Variants in SLC35F3 observed in about 807,000 individuals in gnomAD.
SLC35F3 encodes solute carrier family 35 member F3.
SLC35F3 carries 25 observed loss-of-function variants against 49.9 expected under a neutral mutation model. The observed-to-expected ratio is 0.50, with a 90% CI of 0.37 to 0.70. The LOEUF is 0.70. SLC35F3 is among the 30% of genes least tolerant of loss of function. The pLI is 0.00. For synonymous variants in SLC35F3, 275 were observed against 265.4 expected (o/e 1.04, Z -0.35); for missense variants, 525 against 639.8 (o/e 0.82, Z 1.94).
At chr1:234,058,234 C>T (rs1159440207) in intron 2 of SLC35F3, among the ~76,000 whole-genome samples, 1 of 148,448 alleles carries the variant, frequency 6.7e-6, no homozygotes, top group African/African-American at 2.5e-5. Context: ...ATTCACAATA[C>T]CAATTTATGA....
chr1:233,993,086 GA>G (rs993898719), intron 2 of SLC35F3, among the ~76,000 whole-genome samples: 5 of 151,298 alleles, frequency 3.3e-5, no homozygotes, highest in East Asian at 3.9e-4. Context: ...TTCCATGGAA[GA>G]AAAAAAAATC....
chr1:234,287,689 A>C (rs1405986091), intron 3 of SLC35F3, among the ~76,000 whole-genome samples: 1 of 152,222 alleles, frequency 6.6e-6, no homozygotes, highest in Non-Finnish European at 1.5e-5. Context: ...TATCCTACCC[A>C]GGATTTAAAC....
intron 2 of SLC35F3, among the ~76,000 whole-genome samples, chr1:234,097,589 A>G (rs925482053): frequency 3.9e-5 from 6 of 152,290 alleles, no homozygotes; most frequent in Admixed American, 3.9e-4. Context: ...TTCTCACTGC[A>G]TACTGCCTAA....
intron 2 of SLC35F3, among the ~76,000 whole-genome samples, chr1:234,165,649 G>A (rs955420184): frequency 1.3e-5 from 2 of 152,006 alleles, no homozygotes; most frequent in Admixed American, 1.3e-4. Context: ...GCCTCCCTAT[G>A]TACTGGGATT....
intron 2 of SLC35F3, among the ~76,000 whole-genome samples, chr1:234,013,813 G>T (rs1183606609): frequency 2.7e-5 from 4 of 150,192 alleles, no homozygotes; most frequent in Non-Finnish European, 5.9e-5. Context: ...GACCAGTAAC[G>T]AGTAAAGAGA....
chr1:233,984,910 ATCT>A (rs1040352876), intron 2 of SLC35F3, among the ~76,000 whole-genome samples: 2 of 152,182 alleles, frequency 1.3e-5, no homozygotes, highest in African/African-American at 2.4e-5. Context: ...AGCTGCTATC[ATCT>A]TCTTGTTCAT....
intron 2 of SLC35F3, among the ~76,000 whole-genome samples, chr1:233,980,248 C>A (rs1463353910): frequency 6.6e-6 from 1 of 152,204 alleles, no homozygotes; most frequent in Non-Finnish European, 1.5e-5. Context: ...CTACTATATA[C>A]CAGACCCTGT....
chr1:233,999,911 G>A (rs1663524613), intron 2 of SLC35F3, among the ~76,000 whole-genome samples: 1 of 152,070 alleles, frequency 6.6e-6, no homozygotes, highest in Non-Finnish European at 1.5e-5. Flanking sequence ...ATAAATAAAT[G>A]AAAACATTTC....
At chr1:233,982,930 G>A (rs570419009) in intron 2 of SLC35F3, among the ~76,000 whole-genome samples, 1 of 152,288 alleles carries the variant, frequency 6.6e-6, no homozygotes, top group South Asian at 2.1e-4. Context: ...GCCTAACCAG[G>A]GGAGTTGGGA....
chr1:234,211,957 T>C (rs55634347), intron 2 of SLC35F3, among the ~76,000 whole-genome samples: 7,657 of 152,284 alleles, frequency 0.05, 220 homozygotes, highest in Middle Eastern at 0.071. Context: ...TGGGAGGTAA[T>C]TGAATCATGG....
At chr1:234,241,464 C>T (rs763133624) in intron 3 of SLC35F3, among the ~76,000 whole-genome samples, 1 of 152,086 alleles carries the variant, frequency 6.6e-6, no homozygotes, top group Non-Finnish European at 1.5e-5. Context: ...AGGACAGCCG[C>T]GGTGGCTCAC....
At chr1:233,999,626 C>T (rs1190315792) in intron 2 of SLC35F3, among the ~76,000 whole-genome samples, 2 of 152,074 alleles carry the variant, frequency 1.3e-5, no homozygotes, top group East Asian at 1.9e-4. Flanking sequence ...TTATCCCTTC[C>T]GGCCCTGCTC....
At chr1:234,085,571 G>A (rs1664948910) in intron 2 of SLC35F3, among the ~76,000 whole-genome samples, 1 of 152,092 alleles carries the variant, frequency 6.6e-6, no homozygotes, top group Non-Finnish European at 1.5e-5. Flanking sequence ...ATTTGTATTG[G>A]GCTACCTTGT....
At chr1:234,134,936 G>C (rs994263502) in intron 2 of SLC35F3, among the ~76,000 whole-genome samples, 1 of 152,018 alleles carries the variant, frequency 6.6e-6, no homozygotes, top group Non-Finnish European at 1.5e-5. Context: ...GGCCAGGCTG[G>C]TCTTGAACTC....
At chr1:234,170,487 T>C (rs1190830589) in intron 2 of SLC35F3, among the ~76,000 whole-genome samples, 3 of 151,792 alleles carry the variant, frequency 2.0e-5, no homozygotes. Flanking sequence ...GGTGGTCAGG[T>C]CACCTGCTGG....
intron 2 of SLC35F3, among the ~76,000 whole-genome samples, chr1:234,138,528 T>C (rs6667769): frequency 0.33 from 49,448 of 152,042 alleles, 11,860 homozygotes; most frequent in East Asian, 0.74. Flanking sequence ...AGGGAGAGTT[T>C]ATACCAAAAC....
chr1:234,146,908 A>C (rs1402611259), intron 2 of SLC35F3, among the ~76,000 whole-genome samples: 1 of 152,136 alleles, frequency 6.6e-6, no homozygotes, highest in African/African-American at 2.4e-5. Flanking sequence ...TCTTAGTGTG[A>C]AAAAACTGAG....
intron 2 of SLC35F3, among the ~76,000 whole-genome samples, chr1:234,143,529 T>G (rs1175681193): frequency 6.6e-6 from 1 of 152,094 alleles, no homozygotes; most frequent in Non-Finnish European, 1.5e-5. Flanking sequence ...CCTCAGGTGA[T>G]CCACCTGCCT....
chr1:233,999,980 CT>C (rs1393372145), intron 2 of SLC35F3, among the ~76,000 whole-genome samples: 1 of 152,140 alleles, frequency 6.6e-6, no homozygotes, highest in African/African-American at 2.4e-5. Flanking sequence ...AGAATGACCC[CT>C]GAACTCTCTC....
Sources: allele counts gnomAD v4.1 joint callset (sites outside exome capture counted in the v4.1 genomes callset), GRCh38; gene constraint gnomAD v4.1.1; transcripts MANE v1.5; gene names NCBI Gene and HGNC (gene_info 2026-07-23, HGNC 2026-07-21).